The following IL1R2 variants were observed in gnomAD, a reference collection of about 807,000 sequenced individuals.
IL1R2 encodes interleukin 1 receptor type 2.
IL1R2 carries 46 observed loss-of-function variants against 39.5 expected under a neutral mutation model. That is an observed-to-expected ratio of 1.16 (90% CI 0.92 to 1.49). IL1R2 has a LOEUF of 1.49. Ranked by LOEUF, IL1R2 falls within the 40% of genes most tolerant of loss-of-function variation. The pLI is 0.00. For synonymous variants in IL1R2, 207 were observed against 189.6 expected (o/e 1.09, Z -0.75); for missense variants, 537 against 502.0 (o/e 1.07, Z -0.67).
chr2:102,024,826 T>C, intron 7 of IL1R2, 158 bp downstream of exon 7: 1 of 957,570 alleles, frequency 1.0e-6, no homozygotes, highest in Non-Finnish European at 1.5e-6. Context: ...TTGCTAAAAA[T>C]TATCTTGAGA....
intron 1 of IL1R2, among the ~76,000 whole-genome samples, chr2:102,006,448 C>G (rs1457100231): frequency 6.6e-6 from 1 of 152,186 alleles, no homozygotes; most frequent in Non-Finnish European, 1.5e-5. Flanking sequence ...GACTGTAACT[C>G]TGAGTCCTTG....
At chr2:102,019,566 T>A in intron 4 of IL1R2, 72 bp from the exon 5 acceptor site, 1 of 1,064,558 alleles carries the variant, frequency 9.4e-7, no homozygotes, top group Non-Finnish European at 1.4e-6. Context: ...TGGTTGATAA[T>A]GATGATGTAA....
intron 1 of IL1R2, among the ~76,000 whole-genome samples, chr2:101,998,714 C>G (rs1320117817): frequency 6.6e-6 from 1 of 152,168 alleles, no homozygotes; most frequent in Admixed American, 6.5e-5. Context: ...GATTGTCAAC[C>G]AATGCCCTAC....
intron 1 of IL1R2, among the ~76,000 whole-genome samples, chr2:101,994,335 C>G (rs529007198): frequency 2.6e-5 from 4 of 152,256 alleles, no homozygotes; most frequent in South Asian, 4.1e-4. Flanking sequence ...CTCCCCTCCC[C>G]CTGGAGAGCA....
At position 102,022,365 on chromosome 2, in the gene IL1R2, G is replaced by A; in HGVS notation, c.751+116G>A. The A allele has an allele frequency of 4.8e-6, 4 of 834,546 alleles. No homozygotes were observed. In the Middle Eastern group the frequency reaches 9.2e-4, roughly 191 times the overall value. 51.7% of individuals were successfully genotyped at this position (834,546 alleles called of 1,614,324 possible). On this transcript the variant is annotated intron_variant, in intron 6 of 8. Coordinates refer to ENST00000332549, the MANE Select transcript of IL1R2 (RefSeq NM_004633.4). ...CATACCTGCTCCTTGGGTGCAATGT[G>A]CCTGGGTGGAGACCTTAGAACTCCA...
intron 1 of IL1R2, among the ~76,000 whole-genome samples, chr2:101,997,863 G>A (rs1372870681): frequency 6.6e-6 from 1 of 152,194 alleles, no homozygotes; most frequent in Non-Finnish European, 1.5e-5. Flanking sequence ...CCCAGAATAA[G>A]AAGCAGGACT....
rs376536085 is a variant in IL1R2 at position 102,019,594 on chromosome 2, G to A, written c.514-44G>A. On this transcript the variant is annotated intron_variant, in intron 4 of 8. Coordinates refer to ENST00000332549, the MANE Select transcript of IL1R2 (RefSeq NM_004633.4). ...TGATGTAATTCATAGCCTTTGAGATGTATATTGGTATAATGTCAACTTAAA... is the reference window on the plus strand; with the variant it reads ...TGATGTAATTCATAGCCTTTGAGATATATATTGGTATAATGTCAACTTAAA... 2.3e-6 allele frequency: 3 copies of A among 1,307,670 alleles called. No individual in the cohort carries two copies. In the South Asian group the frequency reaches 3.9e-5, roughly 17 times the overall value. 81.0% of individuals were successfully genotyped at this position (1,307,670 alleles called of 1,614,324 possible).
intron 1 of IL1R2, among the ~76,000 whole-genome samples, chr2:101,993,933 G>T (rs1675463528): frequency 6.6e-6 from 1 of 152,084 alleles, no homozygotes; most frequent in Non-Finnish European, 1.5e-5. Flanking sequence ...CCCCCTTTCT[G>T]CACTCCATCC....
chr2:102,008,240 G>T (rs902405675), intron 1 of IL1R2, among the ~76,000 whole-genome samples: 4 of 152,242 alleles, frequency 2.6e-5, no homozygotes, highest in Non-Finnish European at 4.4e-5. Flanking sequence ...CGCAGGAATG[G>T]CTAAGGGAGG....
intron 8 of IL1R2, among the ~76,000 whole-genome samples, chr2:102,026,708 A>G (rs2150465713): frequency 6.6e-6 from 1 of 152,348 alleles, no homozygotes; most frequent in South Asian, 2.1e-4. Context: ...GGAAATAGGT[A>G]CAAGGCTACA....
Position 102,028,450 on chromosome 2 carries a change from G to T in IL1R2, c.*58G>T. The T allele has an allele frequency of 7.0e-7, 1 of 1,431,074 alleles. No homozygotes were observed. The highest frequency in any genetic ancestry group is 1.5e-5 in the South Asian group (1 of 68,668). 88.6% of individuals were successfully genotyped at this position (1,431,074 alleles called of 1,614,324 possible). A position where few individuals can be genotyped will look rare whatever the true frequency, so the allele number is the denominator to read the frequency against. On this transcript the variant is annotated 3_prime_UTR_variant, in exon 9 of 9. Coordinates refer to ENST00000332549, the MANE Select transcript of IL1R2 (RefSeq NM_004633.4). ...TCCGTACGTCTTCTCTTATGGAAGT[G>T]GCTGTGTCTTTTTGAGGGACTCTGT...
rs61735302 is a variant in IL1R2 at position 102,016,026 on chromosome 2, C to T, written c.488C>T (p.Thr163Ile). The change falls in exon 4 of 9, where the codon ACT becomes ATT. Residue 163 changes from threonine (T) to isoleucine (I), a missense_variant. Transcript: ENST00000332549. ...PDLSEFTRDK[T>I]DVKIQWYKDS... The stretch of plus-strand genomic sequence containing the variant: ...CTGAGTGAATTCACCCGTGACAAAA[C>T]TGACGTGAAGATTCAATGGTACAAG... The T allele has an allele frequency of 1.4e-4, 231 of 1,613,806 alleles. No homozygotes were observed. In the African/African-American group the frequency reaches 2.8e-3, roughly 20 times the overall value.
intron 6 of IL1R2, 38 bp from the exon 7 acceptor site, chr2:102,024,495 G>T (rs1220646809): frequency 6.6e-7 from 1 of 1,519,806 alleles, no homozygotes. Context: ...GGGAGGTGCT[G>T]GTTCTGCAGT....
At chr2:102,001,909 G>T (rs1433745015) in intron 1 of IL1R2, 2 of 152,254 alleles carry the variant, frequency 1.3e-5, no homozygotes, top group East Asian at 1.9e-4. Context: ...TAGGTGTAAA[G>T]CCTGATAGCT....
In IL1R2 at chr2:102,022,790, G is replaced by C. The variant is rs3218962; in HGVS notation, c.751+541G>C. Among the ~76,000 whole-genome samples the C allele has an allele frequency of 6.1e-3, 935 of 152,314 alleles. 10 individuals carry two copies. Among genetic ancestry groups the C allele is most frequent in the African/African-American group, 0.021 (887 of 41,568 alleles). On this transcript the variant is annotated intron_variant, in intron 6 of 8. Coordinates refer to ENST00000332549, the MANE Select transcript of IL1R2 (RefSeq NM_004633.4). Reference sequence around the variant, plus strand: ...CACTCCATGTGGTACAGTCCATCCTGGCCAGCACAGGTCCACACTAGTGGC... The same window carrying C: ...CACTCCATGTGGTACAGTCCATCCTCGCCAGCACAGGTCCACACTAGTGGC...
At chr2:102,008,738 G>A in intron 2 of IL1R2, 96 bp downstream of exon 2, 3 of 1,090,454 alleles carry the variant, frequency 2.8e-6, no homozygotes, top group Non-Finnish European at 4.2e-6. Context: ...AAAGCAAAGT[G>A]TGGGCCGAGC....
At chr2:102,025,425 A>G (rs372031035) in intron 7 of IL1R2, among the ~76,000 whole-genome samples, 14 of 152,354 alleles carry the variant, frequency 9.2e-5, no homozygotes, top group South Asian at 8.3e-4. Context: ...TTCTCATTGC[A>G]AAAGACCTGG....
chr2:102,028,377 A>G lies in IL1R2; in HGVS notation c.1182A>G (p.Gln394=), dbSNP rs904661697. ...TVLWPHHQDF[Q]SYPK The stretch of plus-strand genomic sequence containing the variant: ...TATGGCCTCATCATCAAGACTTTCA[A>G]TCCTATCCCAAGTGAAATAAATGGA... Residue 394 remains glutamine, a synonymous_variant, in exon 9 of 9, where the codon CAA becomes CAG. Transcript: ENST00000332549. 15 of 1,597,264 alleles carry G rather than the reference A, an allele frequency of 9.4e-6. No homozygotes were observed. The highest frequency in any genetic ancestry group is 1.7e-4 in the Middle Eastern group (1 of 6,042).
At position 102,002,715 on chromosome 2, in the gene IL1R2, T is replaced by C. The variant is rs543664568; in HGVS notation, c.-61-5800T>C. Reference sequence around the variant, plus strand: ...AAGTCTATGTCTAGGTCTATGTCTATGTCTATGCCTATGCCTATGTCTATG... The same window carrying C: ...AAGTCTATGTCTAGGTCTATGTCTACGTCTATGCCTATGCCTATGTCTATG... On this transcript the variant is annotated intron_variant, in intron 1 of 8. Transcript: ENST00000332549. 3.2e-3 allele frequency among the ~76,000 whole-genome samples: 490 copies of C among 152,290 alleles called. 3 individuals carry two copies. The highest frequency in any genetic ancestry group is 0.011 in the African/African-American group (467 of 41,502).
Sources: gnomAD v4.1 joint callset for allele counts (sites outside exome capture counted in the v4.1 genomes callset) on GRCh38, gnomAD v4.1.1 for gene constraint, MANE v1.5 for transcripts, NCBI Gene and HGNC (gene_info 2026-07-23, HGNC 2026-07-21) for gene names.